Variants in RELN observed in about 807,000 individuals in gnomAD.
RELN encodes reelin.
RELN carries 108 observed loss-of-function variants against 427.6 expected under a neutral mutation model. The observed-to-expected ratio is 0.25, with a 90% CI of 0.22 to 0.30. RELN has a LOEUF of 0.30. RELN is among the 10% of genes least tolerant of loss of function. The probability of loss-of-function intolerance (pLI) is 1.00; values close to 1 mark genes in which losing one functional copy is unlikely to be tolerated. For missense variants in RELN, 3,715 were observed against 4,302.8 expected, an observed-to-expected ratio of 0.86 and a Z score of 3.82; for synonymous variants, 1,524 against 1,513.4, an observed-to-expected ratio of 1.01 and a Z score of -0.16.
chr7:103,619,729 C>T (rs1386393201), intron 20 of RELN, among the ~76,000 whole-genome samples: 2 of 152,060 alleles, frequency 1.3e-5, no homozygotes, highest in Non-Finnish European at 2.9e-5. Flanking sequence ...GCTGTGGACC[C>T]CAGAGAAGAA....
chr7:103,764,941 AG>A (rs1791392491), intron 4 of RELN, among the ~76,000 whole-genome samples: 1 of 151,782 alleles, frequency 6.6e-6, no homozygotes, highest in Non-Finnish European at 1.5e-5. Context: ...GAAGTCAGGT[AG>A]GGTGAGGATC....
intron 45 of RELN, among the ~76,000 whole-genome samples, chr7:103,537,545 C>T (rs1415669561): frequency 6.6e-6 from 1 of 152,194 alleles, no homozygotes; most frequent in East Asian, 1.9e-4. Flanking sequence ...GGAGGCTGCA[C>T]CAGCCTGTAT....
intron 2 of RELN, among the ~76,000 whole-genome samples, chr7:103,889,630 AT>A (rs950866721): frequency 5.9e-5 from 9 of 152,104 alleles, no homozygotes; most frequent in Admixed American, 4.6e-4. Flanking sequence ...GCATTATCTT[AT>A]TCTTTCCACC....
chr7:103,786,832 C>G (rs1792029647), intron 3 of RELN, among the ~76,000 whole-genome samples: 3 of 152,186 alleles, frequency 2.0e-5, no homozygotes, highest in Admixed American at 6.5e-5. Flanking sequence ...GACTTGAACT[C>G]AGTCCTGGAC....
At position 103,663,155 on chromosome 7, in the gene RELN, C is replaced by T. The variant is rs73406729; in HGVS notation, c.1290-1628G>A. 9.6e-3 allele frequency among the ~76,000 whole-genome samples: 1,465 copies of T among 152,242 alleles called. 26 individuals are homozygous for T. Among genetic ancestry groups the T allele is most frequent in the African/African-American group, 0.034 (1,412 of 41,538 alleles). ...TCTTTCCCAAACTTCCTGGCTCCTCCTACCCAGCCCCACCACTCCATCTCA... is the reference window on the plus strand; with the variant it reads ...TCTTTCCCAAACTTCCTGGCTCCTCTTACCCAGCCCCACCACTCCATCTCA... On this transcript the variant is annotated intron_variant, in intron 11 of 64. Coordinates refer to ENST00000428762, the MANE Select transcript of RELN (RefSeq NM_005045.4).
intron 11 of RELN, among the ~76,000 whole-genome samples, chr7:103,673,036 A>G (rs1388518589): frequency 6.6e-6 from 1 of 152,126 alleles, no homozygotes; most frequent in Non-Finnish European, 1.5e-5. Flanking sequence ...GTCTCTCATA[A>G]GGGCAAATAT....
At chr7:103,566,144 G>C in intron 33 of RELN, 80 bp downstream of exon 33, 1 of 1,292,316 alleles carries the variant, frequency 7.7e-7, no homozygotes, top group African/African-American at 1.5e-5. Flanking sequence ...TTTTGCATTA[G>C]AAAGTTTTCT....
chr7:103,756,845 A>T (rs1791170475), intron 4 of RELN, among the ~76,000 whole-genome samples: 1 of 152,246 alleles, frequency 6.6e-6, no homozygotes, highest in Non-Finnish European at 1.5e-5. Flanking sequence ...TGCAAAACTT[A>T]ATGCAAGGAA....
intron 1 of RELN, among the ~76,000 whole-genome samples, chr7:103,937,218 A>T (rs1416162129): frequency 1.3e-5 from 2 of 152,348 alleles, no homozygotes; most frequent in South Asian, 4.1e-4. Flanking sequence ...TAGAAGAAAG[A>T]AAACCTGGTC....
intron 3 of RELN, among the ~76,000 whole-genome samples, chr7:103,802,579 A>C (rs192736343): frequency 2.6e-5 from 4 of 152,258 alleles, no homozygotes; most frequent in African/African-American, 9.6e-5. Flanking sequence ...AAGATACCCA[A>C]ATGTGAAATT....
rs1464964493 is a variant in RELN, at chr7:103,743,805, A to T, written c.656+5621T>A. The stretch of plus-strand genomic sequence containing the variant: ...ACAAAGAGACTTAGACTCCCACACA[A>T]TAATTATGGGAGACTTTAACACCCC... On this transcript the variant is annotated intron_variant, in intron 6 of 64. Transcript: ENST00000428762. Among the ~76,000 whole-genome samples, 3 of 152,162 alleles carry T rather than the reference A, an allele frequency of 2.0e-5. No homozygotes were observed. The East Asian group carries it at 5.8e-4, about 29-fold the overall frequency.
intron 4 of RELN, among the ~76,000 whole-genome samples, chr7:103,759,133 T>C (rs559036818): frequency 1.3e-5 from 2 of 152,250 alleles, no homozygotes; most frequent in South Asian, 2.1e-4. Context: ...AGAACTTCTT[T>C]TTTAAAAAAT....
chr7:103,917,041 AC>A, intron 2 of RELN, 33 bp downstream of exon 2: 1 of 1,458,602 alleles, frequency 6.9e-7, no homozygotes, highest in Non-Finnish European at 9.6e-7. Flanking sequence ...TGTATAAAAT[AC>A]CCCCAAATTT....
intron 25 of RELN, 48 bp downstream of exon 25, chr7:103,596,408 T>G (rs778440288): frequency 4.7e-6 from 7 of 1,494,570 alleles, no homozygotes; most frequent in Non-Finnish European, 6.5e-6. Flanking sequence ...TGATTTAACC[T>G]TTACCATTCC....
rs1315694296 is a variant in RELN at position 103,757,142 on chromosome 7, C to G, written c.545-3928G>C. Among the ~76,000 whole-genome samples, 5 of 152,226 alleles carry G rather than the reference C, an allele frequency of 3.3e-5. No individual in the cohort carries two copies. The South Asian group carries it at 1.0e-3, about 32-fold the overall frequency. ...CCCATTTGGATACTACCTGCCTTGC[C>G]TCATACTAGTGACTATGAGTGAATT... On this transcript the variant is annotated intron_variant, in intron 4 of 64. Transcript: ENST00000428762.
At chr7:103,622,968 G>A (rs890449828) in intron 20 of RELN, among the ~76,000 whole-genome samples, 1 of 152,152 alleles carries the variant, frequency 6.6e-6, no homozygotes, top group South Asian at 2.1e-4. Flanking sequence ...GTATAAATTA[G>A]TCTATCAATA....
intron 20 of RELN, among the ~76,000 whole-genome samples, chr7:103,628,672 G>A (rs1832383094): frequency 6.6e-6 from 1 of 152,206 alleles, no homozygotes; most frequent in Non-Finnish European, 1.5e-5. Context: ...TTTATGATAT[G>A]CTCTCTGGAG....
In RELN at chr7:103,749,429, A is replaced by G. The variant is rs374181862; in HGVS notation, c.653T>C (p.Ile218Thr). 8.1e-6 allele frequency: 13 copies of G among 1,610,750 alleles called. No individual in the cohort carries two copies. Among genetic ancestry groups the G allele is most frequent in the East Asian group, 4.5e-5 (2 of 44,786 alleles). The change falls in exon 6 of 65, where the codon ATA (isoleucine) becomes ACA (threonine). Residue 218 changes from isoleucine to threonine, a missense_variant. By Grantham distance (89) the Ile-to-Thr change is moderately conservative. Around this residue, in one of 4 missense-constraint regions of RELN, gnomAD observed 2,208 missense variants for 2,361.7 expected, o/e 0.93. Coordinates refer to ENST00000428762, the MANE Select transcript of RELN (RefSeq NM_005045.4). ...GAGGAATGTTCCTGTAACTTACCAT[A>G]TATTTGGATTTAATTGCAGTTGGTG... The part of the protein sequence containing the change: ...SYHQLQLNPN[I>T]WVECNNCETG...
intron 11 of RELN, among the ~76,000 whole-genome samples, chr7:103,680,242 T>C (rs1316718360): frequency 2.0e-5 from 3 of 151,922 alleles, no homozygotes; most frequent in Admixed American, 6.6e-5. Context: ...TATTGGTATT[T>C]ATGTGTGTAT....
Sources: allele counts gnomAD v4.1 joint callset (sites outside exome capture counted in the v4.1 genomes callset), GRCh38; gene constraint gnomAD v4.1.1; regional missense constraint gnomAD v4.1.1; transcripts MANE v1.5; gene names NCBI Gene and HGNC (gene_info 2026-07-23, HGNC 2026-07-21).